Variants in PRMT8 observed in about 807,000 individuals in gnomAD.
PRMT8 encodes protein arginine methyltransferase 8.
A neutral mutation model predicts 47.1 loss-of-function variants in PRMT8; 7 were observed. That is an observed-to-expected ratio of 0.15 (90% CI 0.08 to 0.28). The LOEUF is 0.28. Among genes scored for constraint, PRMT8 ranks in the 10% least tolerant of loss-of-function variants. The pLI, the probability that PRMT8 is intolerant of heterozygous loss-of-function variation, is 1.00. For synonymous variants in PRMT8, 188 were observed against 186.5 expected (o/e 1.01, Z -0.07); for missense variants, 237 against 505.4 (o/e 0.47, Z 5.09).
Position 3,473,691 on chromosome 12 carries a change from C to T in PRMT8, c.49-66915C>T, listed in dbSNP as rs554634135. ...CTTGGCCACCCCCACAACAAAGTTCCTTCTCTCACCCCCAAATCCTCTCCT... is the reference window on the plus strand; with the variant it reads ...CTTGGCCACCCCCACAACAAAGTTCTTTCTCTCACCCCCAAATCCTCTCCT... On this transcript the variant is annotated intron_variant, in intron 1 of 9. Transcript: ENST00000452611. Among the ~76,000 whole-genome samples the T allele has an allele frequency of 7.9e-5, 12 of 152,214 alleles. No individual in the cohort carries two copies. The East Asian group carries it at 1.2e-3, about 15-fold the overall frequency.
At chr12:3,396,618 C>T (rs555617243) in intron 1 of PRMT8, among the ~76,000 whole-genome samples, 37 of 152,168 alleles carry the variant, frequency 2.4e-4, no homozygotes, top group African/African-American at 8.7e-4. Flanking sequence ...GTGGGTAACC[C>T]GACCTTTCTC....
Position 3,491,525 on chromosome 12 carries a change from A to ATT in PRMT8, c.-91_-90dup. On this transcript the variant is annotated 5_prime_UTR_variant, in exon 1 of 10. Coordinates refer to ENST00000382622, the MANE Select transcript of PRMT8 (RefSeq NM_019854.5). ...CGCTCCAGCTGAGGGGCTGGGTTGG[A>ATT]TTTTTTTTTTTCTCCCATCCTCTCG... 27 of 1,170,644 alleles carry ATT rather than the reference A, an allele frequency of 2.3e-5. No individual in the cohort carries two copies. The highest frequency in any genetic ancestry group is 5.4e-5 in the South Asian group (3 of 55,150). 72.5% of individuals were successfully genotyped at this position (1,170,644 alleles called of 1,614,324 possible).
rs1156655266 is a variant in PRMT8 at position 3,566,215 on chromosome 12, TAAG to T, written c.482-2488_482-2486del. 6.6e-6 allele frequency among the ~76,000 whole-genome samples: 1 copy of T among 152,192 alleles called. No homozygotes were observed. The highest frequency in any genetic ancestry group is 1.5e-5 in the Non-Finnish European group (1 of 68,020). ...TATATTTGTCAGTTCTCTTTCAAAA[TAAG>T]AAATAAATTAGGCACAATGTTTGCA... On this transcript the variant is annotated intron_variant, in intron 4 of 9. Coordinates refer to ENST00000382622, the MANE Select transcript of PRMT8 (RefSeq NM_019854.5). The surrounding 1 kb of genome is among the most constrained non-coding windows in gnomAD (Gnocchi z 4.7).
chr12:3,582,204 G>A (rs1219248153), intron 7 of PRMT8, among the ~76,000 whole-genome samples: 1 of 152,210 alleles, frequency 6.6e-6, no homozygotes, highest in Non-Finnish European at 1.5e-5. Context: ...GCAAGCAGCA[G>A]GCCAGCATTC....
At chr12:3,563,617 T>G (rs577464396) in intron 4 of PRMT8, among the ~76,000 whole-genome samples, 11 of 152,146 alleles carry the variant, frequency 7.2e-5, no homozygotes, top group African/African-American at 2.7e-4. Flanking sequence ...TCCCAAGCAG[T>G]TGCTCCATGT....
intron 1 of PRMT8, among the ~76,000 whole-genome samples, chr12:3,528,453 A>G (rs560641390): frequency 6.6e-6 from 1 of 152,094 alleles, no homozygotes; most frequent in South Asian, 2.1e-4. Context: ...CAATCAGTGT[A>G]TTTCCTTTTT....
At chr12:3,465,412 T>C (rs1261493945) in intron 1 of PRMT8, among the ~76,000 whole-genome samples, 1 of 151,790 alleles carries the variant, frequency 6.6e-6, no homozygotes, top group Non-Finnish European at 1.5e-5. Flanking sequence ...GTGTGCAAAC[T>C]GTCCACTGGA....
At chr12:3,452,591 G>T (rs899786607) in intron 1 of PRMT8, among the ~76,000 whole-genome samples, 14 of 152,180 alleles carry the variant, frequency 9.2e-5, no homozygotes, top group Non-Finnish European at 1.6e-4. Context: ...TAATCCCCTT[G>T]TGGTAACTAA....
At position 3,583,344 on chromosome 12, in the gene PRMT8, A is replaced by ATGGCTGGAGAGGGTT; in HGVS notation, c.979+136_979+137insTGGCTGGAGAGGGTT. Reference sequence around the variant, plus strand: ...TGGGTGACACCTATCAACCCTCTCCAGCCATGGAGGAACCATGCATCCCTA... The same window carrying ATGGCTGGAGAGGGTT: ...TGGGTGACACCTATCAACCCTCTCCATGGCTGGAGAGGGTTGCCATGGAGGAACCATGCATCCCTA... On this transcript the variant is annotated intron_variant, in intron 8 of 9. Transcript: ENST00000382622. The surrounding 1 kb of genome is among the most constrained non-coding windows in gnomAD (Gnocchi z 4.7). 1 of 957,410 alleles carries ATGGCTGGAGAGGGTT rather than the reference A, an allele frequency of 1.0e-6. No individual in the cohort carries two copies. The highest frequency in any genetic ancestry group is 1.5e-6 in the Non-Finnish European group (1 of 657,188). 59.3% of individuals were successfully genotyped at this position (957,410 alleles called of 1,614,324 possible).
rs187029332 is a variant in PRMT8 at position 3,507,804 on chromosome 12, G to A, written c.75+16104G>A. On this transcript the variant is annotated intron_variant, in intron 1 of 9. Transcript: ENST00000382622. ...GATAGAGTCTTGCTCTGTCACCCAGGCTGGAGTGCAGTGGTGCGATCTCGG... is the reference window on the plus strand; with the variant it reads ...GATAGAGTCTTGCTCTGTCACCCAGACTGGAGTGCAGTGGTGCGATCTCGG... Among the ~76,000 whole-genome samples, 141 of 148,906 alleles carry A rather than the reference G, an allele frequency of 9.5e-4. 3 individuals carry two copies. In the East Asian group the frequency reaches 0.021, roughly 22 times the overall value.
chr12:3,433,617 A>AT (rs879451814), intron 1 of PRMT8, among the ~76,000 whole-genome samples: 5,147 of 146,736 alleles, frequency 0.035, 276 homozygotes, highest in African/African-American at 0.11. Flanking sequence ...TAGTGACAAG[A>AT]TTTTTTTTTT....
intron 1 of PRMT8, among the ~76,000 whole-genome samples, chr12:3,447,104 T>G (rs1481796796): frequency 3.9e-5 from 6 of 152,090 alleles, no homozygotes; most frequent in Non-Finnish European, 8.8e-5. Flanking sequence ...GCAGCCCTCG[T>G]GAGCCAGAGA....
At chr12:3,542,510 C>G (rs1401157865) in intron 2 of PRMT8, among the ~76,000 whole-genome samples, 1 of 152,240 alleles carries the variant, frequency 6.6e-6, no homozygotes, top group East Asian at 1.9e-4. Flanking sequence ...AATTAAAAGT[C>G]ATGTTCTCCA....
intron 1 of PRMT8, among the ~76,000 whole-genome samples, chr12:3,391,281 C>CA (rs1205124715): frequency 6.6e-6 from 1 of 152,192 alleles, no homozygotes; most frequent in African/African-American, 2.4e-5. Context: ...GCAAAACGCA[C>CA]AGTGCATACA....
chr12:3,469,210 T>A, intron 1 of PRMT8: 4 of 475,204 alleles, frequency 8.4e-6, no homozygotes, highest in Non-Finnish European at 1.7e-5. Flanking sequence ...CAGGAACAGA[T>A]CTAGTGAAGC....
chr12:3,427,252 A>G (rs992414231), intron 1 of PRMT8, among the ~76,000 whole-genome samples: 2 of 152,138 alleles, frequency 1.3e-5, no homozygotes, highest in Non-Finnish European at 2.9e-5. Flanking sequence ...TTGTAGACAT[A>G]TTTATTTAAT....
At chr12:3,507,375 C>A (rs1467184997) in intron 1 of PRMT8, among the ~76,000 whole-genome samples, 1 of 152,202 alleles carries the variant, frequency 6.6e-6, no homozygotes, top group Non-Finnish European at 1.5e-5. Flanking sequence ...CCCGCCTCGG[C>A]CTCCCAAAAC....
At chr12:3,479,163 C>T (rs1591562696) in intron 1 of PRMT8, among the ~76,000 whole-genome samples, 1 of 152,218 alleles carries the variant, frequency 6.6e-6, no homozygotes, top group South Asian at 2.1e-4. Context: ...ATTCTTTCCC[C>T]TCAAATTTCT....
chr12:3,401,532 A>G (rs1043198088), intron 1 of PRMT8, among the ~76,000 whole-genome samples: 1 of 151,894 alleles, frequency 6.6e-6, no homozygotes, highest in African/African-American at 2.4e-5. Context: ...AATTATCTCT[A>G]TATTTCTTTG....
Sources: allele counts gnomAD v4.1 joint callset (sites outside exome capture counted in the v4.1 genomes callset), GRCh38; gene constraint gnomAD v4.1.1; non-coding constraint Gnocchi (gnomAD v3.1); transcripts MANE v1.5; gene names NCBI Gene and HGNC (gene_info 2026-07-23, HGNC 2026-07-21).